WDR33: variants seen among roughly 807,000 people sequenced by gnomAD.
WDR33 encodes WD repeat domain 33.
In WDR33, 47 loss-of-function variants were observed where a neutral mutation model predicts 164.9. The ratio of observed to expected loss-of-function variants is 0.29; its 90% CI spans 0.23 to 0.36. The LOEUF (loss-of-function observed/expected upper bound fraction) is 0.36. Ranked by LOEUF, WDR33 falls within the 10% of genes least tolerant of loss-of-function variation. The pLI is 1.00. For missense variants in WDR33, 1,137 were observed against 1,754.1 expected, an observed-to-expected ratio of 0.65 and a Z score of 6.28; for synonymous variants, 505 against 589.0, an observed-to-expected ratio of 0.86 and a Z score of 2.06.
rs150526609 is a variant in WDR33, at chr2:127,748,033, C to A, written c.724+15029G>T. 5.1e-4 allele frequency among the ~76,000 whole-genome samples: 77 copies of A among 152,294 alleles called. No individual in the cohort carries two copies. In the East Asian group the frequency reaches 0.014, roughly 28 times the overall value. On this transcript the variant is annotated intron_variant, in intron 7 of 21. Transcript: ENST00000322313. Reference sequence around the variant, plus strand: ...TGTACAACCCACAAAATACAAAATTCTCTTTCTTGCTGAATGAGTGACAGC... The same window carrying A: ...TGTACAACCCACAAAATACAAAATTATCTTTCTTGCTGAATGAGTGACAGC...
Position 127,701,463 on chromosome 2 carries a change from G to A in WDR33, c.*4860C>T, listed in dbSNP as rs1050562351. On this transcript the variant is annotated 3_prime_UTR_variant, in exon 22 of 22. Coordinates refer to ENST00000322313, the MANE Select transcript of WDR33 (RefSeq NM_018383.5). ...GCCGACCAATTGCCGCCCGAAGACC[G>A]AACCGCTTCAGCGGAGGGCCGGAAG... 5.7e-6 allele frequency: 7 copies of A among 1,237,076 alleles called. No individual in the cohort carries two copies. The African/African-American group carries it at 7.8e-5, about 14-fold the overall frequency. 76.6% of individuals were successfully genotyped at this position (1,237,076 alleles called of 1,614,324 possible).
At chr2:127,751,928 G>A (rs944072291) in intron 7 of WDR33, among the ~76,000 whole-genome samples, 39 of 152,170 alleles carry the variant, frequency 2.6e-4, no homozygotes, top group African/African-American at 8.4e-4. Context: ...CTCTGAGGAC[G>A]CAGTAAGTCC....
Position 127,723,903 on chromosome 2 carries a change from C to G in WDR33, c.1196+430G>C, listed in dbSNP as rs542254389. ...ATCAGCCTGGGCAACATGGTGAAAC[C>G]CCATCTCTACAAAAAATGCAAAAAT... On this transcript the variant is annotated intron_variant, in intron 11 of 21. Coordinates refer to ENST00000322313, the MANE Select transcript of WDR33 (RefSeq NM_018383.5). This position sits in a 1 kb window ranked among gnomAD's most constrained non-coding sequence, Gnocchi z 5.9. Among the ~76,000 whole-genome samples the G allele has an allele frequency of 6.6e-6, 1 of 151,914 alleles. No homozygotes were observed. Among genetic ancestry groups the G allele is most frequent in the Non-Finnish European group, 1.5e-5 (1 of 67,986 alleles).
At position 127,713,513 on chromosome 2, in the gene WDR33, G is replaced by A; in HGVS notation, c.3308+70C>T. ...CTTTCCTCAAGAAAAAGAAGAAAGA[G>A]ACCTTTGTGGAGACAGCAGATAAAA... is the stretch of plus-strand genomic sequence containing the variant. On this transcript the variant is annotated intron_variant, in intron 18 of 21. Coordinates refer to ENST00000322313, the MANE Select transcript of WDR33 (RefSeq NM_018383.5). This position sits in a 1 kb window ranked among gnomAD's most constrained non-coding sequence, Gnocchi z 6.2. The A allele has an allele frequency of 6.6e-7, 1 of 1,516,290 alleles. No individual in the cohort carries two copies. The highest frequency in any genetic ancestry group is 9.0e-7 in the Non-Finnish European group (1 of 1,113,062). The allele number at this position is 1,516,290 out of a possible 1,614,324, so 93.9% of individuals were successfully genotyped here. A position where few individuals can be genotyped will look rare whatever the true frequency, so the allele number is the denominator to read the frequency against.
chr2:127,735,329 A>G lies in WDR33; in HGVS notation c.725-8552T>C. 1 of 971,518 alleles carries G rather than the reference A, an allele frequency of 1.0e-6. No homozygotes were observed. The highest frequency in any genetic ancestry group is 6.2e-5 in the Admixed American group (1 of 16,260). 60.2% of individuals were successfully genotyped at this position (971,518 alleles called of 1,614,324 possible). A position where few individuals can be genotyped will look rare whatever the true frequency, so the allele number is the denominator to read the frequency against. On this transcript the variant is annotated intron_variant, in intron 7 of 21. Transcript: ENST00000322313. The surrounding 1 kb of genome is among the most constrained non-coding windows in gnomAD (Gnocchi z 4.3). ...GGAACCTGTTACCCCAAGCCCCTAAATAACCTGTCTTGAGACAGTCCATAG... is the reference window on the plus strand; with the variant it reads ...GGAACCTGTTACCCCAAGCCCCTAAGTAACCTGTCTTGAGACAGTCCATAG...
intron 7 of WDR33, among the ~76,000 whole-genome samples, chr2:127,754,383 G>A (rs1173439843): frequency 6.6e-6 from 1 of 152,110 alleles, no homozygotes; most frequent in Non-Finnish European, 1.5e-5. Context: ...TTTCATGAAA[G>A]GGAAGCCCAA....
chr2:127,750,080 G>A (rs532037890), intron 7 of WDR33, among the ~76,000 whole-genome samples: 1 of 152,254 alleles, frequency 6.6e-6, no homozygotes, highest in East Asian at 1.9e-4. Flanking sequence ...CTTGAGTGCA[G>A]TGGCGAAATC....
Position 127,709,903 on chromosome 2 carries a change from C to CA in WDR33, c.3309-48dup, listed in dbSNP as rs750571889. 9 of 1,590,660 alleles carry CA rather than the reference C, an allele frequency of 5.7e-6. No homozygotes were observed. The South Asian group carries it at 1.0e-4, about 18-fold the overall frequency. ...ATGTCCATCTCAGAGAACACCTTGCCACTCTAAGTTCATGTTTCAAAGAAG... is the reference window on the plus strand; with the variant it reads ...ATGTCCATCTCAGAGAACACCTTGCCAACTCTAAGTTCATGTTTCAAAGAAG... On this transcript the variant is annotated intron_variant, in intron 18 of 21. Coordinates refer to ENST00000322313, the MANE Select transcript of WDR33 (RefSeq NM_018383.5). This position sits in a 1 kb window ranked among gnomAD's most constrained non-coding sequence, Gnocchi z 5.0.
At chr2:127,765,350 T>A (rs1476953803) in intron 4 of WDR33, 81 bp from the exon 5 acceptor site, 1 of 955,062 alleles carries the variant, frequency 1.0e-6, no homozygotes, top group African/African-American at 1.7e-5. Context: ...TTGTAAAACA[T>A]GCAATAACTG....
chr2:127,717,323 G>A lies in WDR33; in HGVS notation c.2761-60C>T. On this transcript the variant is annotated intron_variant, in intron 16 of 21. Coordinates refer to ENST00000322313, the MANE Select transcript of WDR33 (RefSeq NM_018383.5). This position sits in a 1 kb window ranked among gnomAD's most constrained non-coding sequence, Gnocchi z 5.6. The stretch of plus-strand genomic sequence containing the variant: ...CACAGGCTTGAGCTACATAAATAGT[G>A]ATTGCATTATAACATGACAAGATAA... 7.4e-7 allele frequency: 1 copy of A among 1,349,684 alleles called. No homozygotes were observed. The highest frequency in any genetic ancestry group is 2.7e-5 in the East Asian group (1 of 37,650). 83.6% of individuals were successfully genotyped at this position (1,349,684 alleles called of 1,614,324 possible). A position where few individuals can be genotyped will look rare whatever the true frequency, so the allele number is the denominator to read the frequency against.
chr2:127,716,414 AGTGT>A lies in WDR33; in HGVS notation c.2869+737_2869+740del, dbSNP rs1398534883. Among the ~76,000 whole-genome samples the A allele has an allele frequency of 6.6e-6, 1 of 152,124 alleles. No homozygotes were observed. Among genetic ancestry groups the A allele is most frequent in the Admixed American group, 6.5e-5 (1 of 15,280 alleles). ...AGTTGTGGTTTCTCCCCGTTATGAA[AGTGT>A]GTGTCGAACATAACACAGTGTTTCC... is the stretch of plus-strand genomic sequence containing the variant. On this transcript the variant is annotated intron_variant, in intron 17 of 21. Coordinates refer to ENST00000322313, the MANE Select transcript of WDR33 (RefSeq NM_018383.5). This position sits in a 1 kb window ranked among gnomAD's most constrained non-coding sequence, Gnocchi z 4.5.
At position 127,708,198 on chromosome 2, in the gene WDR33, G is replaced by A. The variant is rs1686064662; in HGVS notation, c.3781+479C>T. Reference sequence around the variant, plus strand: ...AAGCTCCACAGTTCCCAGTTGAGGAGATAATCTACTGTGCCCCTGGAAACA... The same window carrying A: ...AAGCTCCACAGTTCCCAGTTGAGGAAATAATCTACTGTGCCCCTGGAAACA... On this transcript the variant is annotated intron_variant, in intron 21 of 21. Coordinates refer to ENST00000322313, the MANE Select transcript of WDR33 (RefSeq NM_018383.5). This position sits in a 1 kb window ranked among gnomAD's most constrained non-coding sequence, Gnocchi z 6.7. Among the ~76,000 whole-genome samples the A allele has an allele frequency of 6.6e-6, 1 of 152,198 alleles. No homozygotes were observed. Among genetic ancestry groups the A allele is most frequent in the African/African-American group, 2.4e-5 (1 of 41,444 alleles).
chr2:127,769,642 C>T (rs72846269), intron 2 of WDR33, among the ~76,000 whole-genome samples: 9,994 of 152,238 alleles, frequency 0.066, 442 homozygotes, highest in Middle Eastern at 0.16. Context: ...GTCTTAATTC[C>T]TCTCAAACTC....
At chr2:127,793,437 A>T (rs903072751) in intron 1 of WDR33, among the ~76,000 whole-genome samples, 2 of 151,122 alleles carry the variant, frequency 1.3e-5, no homozygotes, top group Non-Finnish European at 2.9e-5. Flanking sequence ...TCTCAAGGAA[A>T]AAAAACAAAA....
Position 127,702,214 on chromosome 2 carries a change from C to T in WDR33, c.*4109G>A. On this transcript the variant is annotated 3_prime_UTR_variant, in exon 22 of 22. Coordinates refer to ENST00000322313, the MANE Select transcript of WDR33 (RefSeq NM_018383.5). ...CTCGCCGCTGGGGAAGTACGCGGAG[C>T]CAGCGCCGTCGGAGACCGCGCCGGC... The T allele has an allele frequency of 8.3e-7, 1 of 1,206,264 alleles. No homozygotes were observed. Among genetic ancestry groups the T allele is most frequent in the South Asian group, 4.1e-5 (1 of 24,112 alleles). The allele number at this position is 1,206,264 out of a possible 1,614,324, so 74.7% of individuals were successfully genotyped here. A position where few individuals can be genotyped will look rare whatever the true frequency, so the allele number is the denominator to read the frequency against.
At chr2:127,797,247 A>G (rs1689071675) in intron 1 of WDR33, among the ~76,000 whole-genome samples, 2 of 152,170 alleles carry the variant, frequency 1.3e-5, no homozygotes, top group Admixed American at 1.3e-4. Context: ...TAATCCCAGA[A>G]CTTTGGGAGG....
intron 1 of WDR33, among the ~76,000 whole-genome samples, chr2:127,808,835 C>T (rs1286928815): frequency 6.6e-6 from 1 of 152,130 alleles, no homozygotes; most frequent in Admixed American, 6.5e-5. Flanking sequence ...TCGAGACCAT[C>T]CTAGCTAACA....
In WDR33 at chr2:127,718,292, C is replaced by A. The variant is rs1324670764; in HGVS notation, c.2760+973G>T. The stretch of plus-strand genomic sequence containing the variant: ...GTGCTTTCTACATCTGTAGCATCCC[C>A]TTTCTCCAAGTGTCTCAGGGAGTCA... On this transcript the variant is annotated intron_variant, in intron 16 of 21. Coordinates refer to ENST00000322313, the MANE Select transcript of WDR33 (RefSeq NM_018383.5). The surrounding 1 kb of genome is among the most constrained non-coding windows in gnomAD (Gnocchi z 4.4). Among the ~76,000 whole-genome samples the A allele has an allele frequency of 6.6e-6, 1 of 152,140 alleles. No homozygotes were observed. The highest frequency in any genetic ancestry group is 2.4e-5 in the African/African-American group (1 of 41,432).
rs1277030737 is a variant in WDR33, at chr2:127,719,031, A to T, written c.2760+234T>A. On this transcript the variant is annotated intron_variant, in intron 16 of 21. Coordinates refer to ENST00000322313, the MANE Select transcript of WDR33 (RefSeq NM_018383.5). The surrounding 1 kb of genome is among the most constrained non-coding windows in gnomAD (Gnocchi z 6.5). ...TCTGAAGAAACTCTATTACCAAAAAAAGAAAAATGGTGAGAAGTAAAAATG... is the reference window on the plus strand; with the variant it reads ...TCTGAAGAAACTCTATTACCAAAAATAGAAAAATGGTGAGAAGTAAAAATG... 4.6e-5 allele frequency among the ~76,000 whole-genome samples: 7 copies of T among 152,254 alleles called. No individual in the cohort carries two copies. The highest frequency in any genetic ancestry group is 8.8e-5 in the Non-Finnish European group (6 of 68,040).
Sources: allele counts gnomAD v4.1 joint callset (sites outside exome capture counted in the v4.1 genomes callset), GRCh38; gene constraint gnomAD v4.1.1; non-coding constraint Gnocchi (gnomAD v3.1); transcripts MANE v1.5; gene names NCBI Gene and HGNC (gene_info 2026-07-23, HGNC 2026-07-21).